Variants in ERGIC1 observed in about 807,000 individuals in gnomAD.
ERGIC1 encodes endoplasmic reticulum-golgi intermediate compartment 1, also known as endoplasmic reticulum-Golgi intermediate compartment protein 1.
ERGIC1 carries 19 observed loss-of-function variants against 38.3 expected under a neutral mutation model. That is an observed-to-expected ratio of 0.50 (90% confidence interval 0.35 to 0.73). The LOEUF (loss-of-function observed/expected upper bound fraction) is 0.73. ERGIC1 is among the 30% of genes least tolerant of loss of function. The pLI, the probability that ERGIC1 is intolerant of heterozygous loss-of-function variation, is 0.01. For missense variants in ERGIC1, 294 were observed against 389.2 expected (o/e 0.76, Z 2.06); for synonymous variants, 124 against 157.6 (o/e 0.79, Z 1.60).
intron 3 of ERGIC1, chr5:172,897,894 A>T (rs564109): frequency 0.71 from 292,902 of 413,652 alleles, 104,375 homozygotes; most frequent in African/African-American, 0.83. Flanking sequence ...GCAGAGTTAA[A>T]CCATTCCTGA....
At chr5:172,911,627 A>G (rs1763210792) in intron 4 of ERGIC1, among the ~76,000 whole-genome samples, 1 of 152,228 alleles carries the variant, frequency 6.6e-6, no homozygotes, top group South Asian at 2.1e-4. Flanking sequence ...ACAGGGAAGC[A>G]AAAGAGATCA....
At chr5:172,903,718 G>A (rs2113346007) in intron 3 of ERGIC1, among the ~76,000 whole-genome samples, 1 of 151,360 alleles carries the variant, frequency 6.6e-6, no homozygotes, top group East Asian at 1.9e-4. Context: ...GATCTTCTCA[G>A]CAACCCCATA....
At chr5:172,850,812 G>C (rs74696793) in intron 1 of ERGIC1, among the ~76,000 whole-genome samples, 2,083 of 152,298 alleles carry the variant, frequency 0.014, 27 homozygotes, top group Non-Finnish European at 0.022. Context: ...ATCAGAGGTT[G>C]AGTTTTGCCC....
Position 172,924,058 on chromosome 5 carries a change from C to A in ERGIC1, c.429C>A (p.Asn143Lys). 6.2e-7 allele frequency: 1 copy of A among 1,614,208 alleles called. No homozygotes were observed. Among genetic ancestry groups the A allele is most frequent in the Non-Finnish European group, 8.5e-7 (1 of 1,180,046 alleles). Residue 143 changes from asparagine to lysine, a missense_variant, in exon 6 of 10, where the codon AAC becomes AAA. Transcript: ENST00000393784. ...ACAGTGCCACAGCCCAGCCACAGAA[C>A]CCAGACATGACGCATGTCATCCACA... ...STHSATAQPQ[N>K]PDMTHVIHKL...
intron 8 of ERGIC1, chr5:172,934,426 T>C (rs1466493859): frequency 6.5e-6 from 1 of 152,748 alleles, no homozygotes; most frequent in African/African-American, 2.4e-5. Context: ...GTATCCTTAG[T>C]CCCTGCTGTG....
chr5:172,896,410 G>C (rs558919171), intron 2 of ERGIC1, among the ~76,000 whole-genome samples: 1 of 152,200 alleles, frequency 6.6e-6, no homozygotes, highest in African/African-American at 2.4e-5. Flanking sequence ...AAGCACCGCT[G>C]TCTATAGCCC....
intron 9 of ERGIC1, among the ~76,000 whole-genome samples, chr5:172,945,587 A>AT (rs1374852652): frequency 1.3e-5 from 2 of 152,194 alleles, no homozygotes; most frequent in Non-Finnish European, 2.9e-5. Flanking sequence ...GAACTGAAAG[A>AT]TTAAGATCAG....
chr5:172,915,269 C>G (rs1039257236), intron 5 of ERGIC1: 2 of 580,640 alleles, frequency 3.4e-6, no homozygotes, highest in Non-Finnish European at 6.2e-6. Flanking sequence ...AATGCAGATT[C>G]ATTCATTCAG....
In ERGIC1 at chr5:172,926,371, C is replaced by G. The variant is rs559192192; in HGVS notation, c.481-138C>G. On this transcript the variant is annotated intron_variant, in intron 6 of 9. Coordinates refer to ENST00000393784, the MANE Select transcript of ERGIC1 (RefSeq NM_001031711.3). This position sits in a 1 kb window ranked among gnomAD's most constrained non-coding sequence, Gnocchi z 5.2. ...CAGGCCCCTGCTGCCTCTTGCTCCC[C>G]ACAAATCCGCTGGAGCCCCCTTTTA... 1 of 861,304 alleles carries G rather than the reference C, an allele frequency of 1.2e-6. No individual in the cohort carries two copies. Among genetic ancestry groups the G allele is most frequent in the South Asian group, 1.5e-5 (1 of 65,456 alleles). The allele number at this position is 861,304 out of a possible 1,614,324, so 53.4% of individuals were successfully genotyped here.
In ERGIC1 at chr5:172,847,782, G is replaced by C. The variant is rs528415551; in HGVS notation, c.20+13349G>C. On this transcript the variant is annotated intron_variant, in intron 1 of 9. Coordinates refer to ENST00000393784, the MANE Select transcript of ERGIC1 (RefSeq NM_001031711.3). ...CCCGCCTTGGCCTCCCAAAGTGCTGGGATTACAGGCATGTGCCACCACGCC... is the reference window on the plus strand; with the variant it reads ...CCCGCCTTGGCCTCCCAAAGTGCTGCGATTACAGGCATGTGCCACCACGCC... Among the ~76,000 whole-genome samples, 223 of 152,250 alleles carry C rather than the reference G, an allele frequency of 1.5e-3. 1 individual carries two copies. The highest frequency in any genetic ancestry group is 5.0e-3 in the African/African-American group (208 of 41,558).
chr5:172,925,329 T>C (rs1218182212), intron 6 of ERGIC1, among the ~76,000 whole-genome samples: 1 of 152,214 alleles, frequency 6.6e-6, no homozygotes, highest in Non-Finnish European at 1.5e-5. Flanking sequence ...ATTCTAGCCT[T>C]CTTGTCTCTG....
chr5:172,866,266 G>A (rs1761858465), intron 1 of ERGIC1, among the ~76,000 whole-genome samples: 1 of 152,226 alleles, frequency 6.6e-6, no homozygotes, highest in African/African-American at 2.4e-5. Context: ...GAGAAGCGGA[G>A]GGAGGTGGGT....
At chr5:172,849,783 C>T (rs562211220) in intron 1 of ERGIC1, among the ~76,000 whole-genome samples, 1 of 152,278 alleles carries the variant, frequency 6.6e-6, no homozygotes, top group Non-Finnish European at 1.5e-5. Context: ...CCCACGCTGT[C>T]TGCACTCAAC....
chr5:172,834,956 C>T lies in ERGIC1; in HGVS notation c.20+523C>T, dbSNP rs1309445521. Among the ~76,000 whole-genome samples the T allele has an allele frequency of 6.6e-6, 1 of 152,240 alleles. No individual in the cohort carries two copies. The highest frequency in any genetic ancestry group is 1.5e-5 in the Non-Finnish European group (1 of 68,038). ...GGCAGATCGGGAGGCCTGCCCCCGC[C>T]CCTCCCTCCCTCAGCCCCAGCCCTG... On this transcript the variant is annotated intron_variant, in intron 1 of 9. Transcript: ENST00000393784. The surrounding 1 kb of genome is among the most constrained non-coding windows in gnomAD (Gnocchi z 4.1).
intron 1 of ERGIC1, among the ~76,000 whole-genome samples, chr5:172,835,992 T>G (rs1449969351): frequency 6.6e-6 from 1 of 152,190 alleles, no homozygotes; most frequent in African/African-American, 2.4e-5. Context: ...CCATAGGGAT[T>G]CGTGCCACCG....
chr5:172,840,004 C>T (rs538491498), intron 1 of ERGIC1, among the ~76,000 whole-genome samples: 13 of 152,348 alleles, frequency 8.5e-5, no homozygotes, highest in East Asian at 1.9e-4. Flanking sequence ...TTTCTCTTCA[C>T]TAATCCTCAC....
chr5:172,894,665 C>T (rs527503578), intron 2 of ERGIC1, among the ~76,000 whole-genome samples: 161 of 152,290 alleles, frequency 1.1e-3, no homozygotes, highest in Non-Finnish European at 1.9e-3. Context: ...GGCTTCCAGT[C>T]CTGCCTCTCC....
intron 9 of ERGIC1, among the ~76,000 whole-genome samples, chr5:172,942,393 G>A (rs1228107844): frequency 2.6e-5 from 4 of 151,844 alleles, no homozygotes; most frequent in African/African-American, 9.7e-5. Context: ...GGGTTCCCTC[G>A]GTGTCTCTCT....
At chr5:172,943,137 C>T (rs1276607773) in intron 9 of ERGIC1, among the ~76,000 whole-genome samples, 1 of 152,146 alleles carries the variant, frequency 6.6e-6, no homozygotes, top group Non-Finnish European at 1.5e-5. Context: ...ATGAGGGTCA[C>T]CTAGCAGTGG....
Sources: gnomAD v4.1 joint callset for allele counts (sites outside exome capture counted in the v4.1 genomes callset) on GRCh38, gnomAD v4.1.1 for gene constraint, Gnocchi (gnomAD v3.1) non-coding constraint, MANE v1.5 for transcripts, NCBI Gene and HGNC (gene_info 2026-07-23, HGNC 2026-07-21) for gene names.